SLC2A9: variants seen among roughly 807,000 people sequenced by gnomAD.
The protein encoded by SLC2A9 is solute carrier family 2, facilitated glucose transporter member 9.
SLC2A9 carries 39 observed loss-of-function variants against 50.6 expected under a neutral mutation model. That is an observed-to-expected ratio of 0.77 (90% confidence interval 0.60 to 1.01). The LOEUF (loss-of-function observed/expected upper bound fraction) is 1.01, where lower values mean the gene tolerates loss of function less well. SLC2A9 is among the 50% of genes least tolerant of loss of function. SLC2A9 has a pLI of 0.00. For synonymous variants in SLC2A9, 324 were observed against 276.9 expected, an observed-to-expected ratio of 1.17 and a Z score of -1.69; for missense variants, 686 against 677.6, an observed-to-expected ratio of 1.01 and a Z score of -0.14.
intron 7 of SLC2A9, among the ~76,000 whole-genome samples, chr4:9,917,825 C>G (rs897881343): frequency 6.6e-6 from 1 of 152,176 alleles, no homozygotes; most frequent in Non-Finnish European, 1.5e-5. Flanking sequence ...CTACTGGTAC[C>G]TAATGGGAAG....
intron 5 of SLC2A9, among the ~76,000 whole-genome samples, chr4:9,971,993 C>T (rs1404828986): frequency 2.0e-5 from 3 of 152,228 alleles, no homozygotes; most frequent in Non-Finnish European, 4.4e-5. Flanking sequence ...AAAACAATTA[C>T]ATAATTCGTC....
intron 1 of SLC2A9, among the ~76,000 whole-genome samples, chr4:10,020,106 G>C (rs891525736): frequency 3.9e-4 from 59 of 152,156 alleles, no homozygotes; most frequent in African/African-American, 1.3e-3. Context: ...AGCTGTGGGG[G>C]TGCAACAGTG....
rs1758747125 is a variant in SLC2A9, at chr4:9,996,760, TAG to T, written c.410+19_410+20del. On this transcript the variant is annotated intron_variant, in intron 3 of 11. Transcript: ENST00000264784. ...TATGAACATGGAGGGCACCCCCAGATAGAGACAGCCTCCTACTGACCTCCCAA... is the reference window on the plus strand; with the variant it reads ...TATGAACATGGAGGGCACCCCCAGATAGACAGCCTCCTACTGACCTCCCAA... 6.2e-7 allele frequency: 1 copy of T among 1,612,450 alleles called. No homozygotes were observed. Among genetic ancestry groups the T allele is most frequent in the Admixed American group, 1.7e-5 (1 of 59,922 alleles).
At chr4:10,025,851 C>T (rs1763731978), upstream of SLC2A9, 2 of 1,574,384 alleles carry the variant, frequency 1.3e-6, no homozygotes, top group South Asian at 1.1e-5. Flanking sequence ...GGTACTACCC[C>T]CTGGGTGACC....
intron 3 of SLC2A9, among the ~76,000 whole-genome samples, chr4:9,817,448 A>G (rs1470216773): frequency 2.0e-5 from 3 of 152,208 alleles, no homozygotes; most frequent in Non-Finnish European, 4.4e-5. Context: ...CTCCTGAAGC[A>G]GTTCTTCATT....
chr4:9,793,100 C>A (rs7685396), intron 3 of SLC2A9, among the ~76,000 whole-genome samples: 69,605 of 152,046 alleles, frequency 0.46, 19,414 homozygotes, highest in Non-Finnish European at 0.64. Context: ...AATGAAAGAC[C>A]CTTTGAGACA....
chr4:9,879,975 C>T (rs1472410947), intron 10 of SLC2A9: 2 of 985,326 alleles, frequency 2.0e-6, no homozygotes, highest in African/African-American at 3.5e-5. Context: ...CGACCTGTTC[C>T]TCACAGAAGC....
chr4:9,941,630 G>T (rs1332183030), intron 6 of SLC2A9, among the ~76,000 whole-genome samples: 1 of 152,222 alleles, frequency 6.6e-6, no homozygotes, highest in Non-Finnish European at 1.5e-5. Flanking sequence ...GTGGTAGTGA[G>T]ACACTGCACA....
At chr4:9,902,183 T>C (rs1023481839) in intron 8 of SLC2A9, among the ~76,000 whole-genome samples, 3 of 152,192 alleles carry the variant, frequency 2.0e-5, no homozygotes, top group African/African-American at 7.2e-5. Context: ...CATTCCCCTT[T>C]CTCTGCTCTA....
chr4:9,790,081 C>A (rs1039109466), intron 3 of SLC2A9, among the ~76,000 whole-genome samples: 1 of 152,202 alleles, frequency 6.6e-6, no homozygotes, highest in Admixed American at 6.5e-5. Flanking sequence ...GGTTCAATAG[C>A]AAGCCAGGTT....
chr4:9,817,262 C>T (rs749028198), intron 3 of SLC2A9, among the ~76,000 whole-genome samples: 1 of 152,190 alleles, frequency 6.6e-6, no homozygotes, highest in Non-Finnish European at 1.5e-5. Context: ...TTAACATACT[C>T]GAAGGTTCTT....
intron 5 of SLC2A9, among the ~76,000 whole-genome samples, chr4:9,953,808 T>C (rs137901643): frequency 9.0e-5 from 10 of 110,732 alleles, no homozygotes; most frequent in Admixed American, 1.9e-4. Context: ...TGTTTGTTTG[T>C]TTGTTTGCTT....
intron 8 of SLC2A9, among the ~76,000 whole-genome samples, chr4:9,893,394 T>C (rs1737899212): frequency 6.6e-6 from 1 of 151,900 alleles, no homozygotes; most frequent in Non-Finnish European, 1.5e-5. Flanking sequence ...TGATTCTCAT[T>C]TGCAGGGGGA....
At chr4:9,892,334 T>A (rs896793836) in intron 8 of SLC2A9, among the ~76,000 whole-genome samples, 1 of 151,516 alleles carries the variant, frequency 6.6e-6, no homozygotes, top group African/African-American at 2.4e-5. Context: ...GAGGAAAATG[T>A]GCCTGGCTGA....
At chr4:9,957,564 G>A (rs6816053) in intron 5 of SLC2A9, among the ~76,000 whole-genome samples, 151,746 of 152,384 alleles carry the variant, frequency 1, 75,557 homozygotes, top group East Asian at 1. Context: ...AATGCAGGGG[G>A]CAATACACCC....
At chr4:9,904,925 AG>A (rs1222273734) in intron 8 of SLC2A9, among the ~76,000 whole-genome samples, 1 of 152,166 alleles carries the variant, frequency 6.6e-6, no homozygotes, top group African/African-American at 2.4e-5. Flanking sequence ...AGAAGATGAA[AG>A]GGGGACAGAC....
intron 1 of SLC2A9, among the ~76,000 whole-genome samples, chr4:10,029,908 T>C (rs1763884148): frequency 6.6e-6 from 1 of 152,172 alleles, no homozygotes; most frequent in African/African-American, 2.4e-5. Context: ...AGTGCTGGGA[T>C]TACAGGTGTG....
intron 5 of SLC2A9, among the ~76,000 whole-genome samples, chr4:9,946,207 C>G (rs1171506014): frequency 6.7e-6 from 1 of 148,170 alleles, no homozygotes; most frequent in Non-Finnish European, 1.5e-5. Context: ...ATTTTTAACT[C>G]CCAGTCAGGT....
At chr4:9,864,817 T>C (rs531853967) in intron 10 of SLC2A9, among the ~76,000 whole-genome samples, 4 of 152,346 alleles carry the variant, frequency 2.6e-5, no homozygotes, top group Non-Finnish European at 5.9e-5. Flanking sequence ...GCCTGTGTTG[T>C]CTCGCATGGC....
Sources: gnomAD v4.1 joint callset for allele counts (sites outside exome capture counted in the v4.1 genomes callset) on GRCh38, gnomAD v4.1.1 for gene constraint, MANE v1.5 for transcripts, NCBI Gene and HGNC (gene_info 2026-07-23, HGNC 2026-07-21) for gene names.